The following ACYP1 variants were observed in gnomAD, a reference collection of about 807,000 sequenced individuals.
The protein encoded by ACYP1 is acylphosphatase-1.
ACYP1 carries 8 observed loss-of-function variants against 10.4 expected under a neutral mutation model. The ratio of observed to expected loss-of-function variants is 0.77; its 90% CI spans 0.45 to 1.38. The LOEUF is 1.38. Ranked by LOEUF, ACYP1 falls within the 40% of genes most tolerant of loss-of-function variation. ACYP1 has a pLI of 0.00. For missense variants in ACYP1, 93 were observed against 117.3 expected (o/e 0.79, Z 0.96); for synonymous variants, 38 against 40.8 (o/e 0.93, Z 0.26).
At chr14:75,061,740 A>G in intron 2 of ACYP1, 1 of 1,590,074 alleles carries the variant, frequency 6.3e-7, no homozygotes, top group Admixed American at 1.7e-5. Flanking sequence ...AGTTTCAGCA[A>G]TTCTGTTTTC....
chr14:75,064,089 C>A (rs936930277), upstream of ACYP1: 2 of 960,018 alleles, frequency 2.1e-6, no homozygotes, highest in Non-Finnish European at 2.5e-6. Flanking sequence ...CCCATCACCT[C>A]CAGCTGACCA....
At chr14:75,055,079 CTTTTTT>C (rs33920224) in intron 2 of ACYP1, among the ~76,000 whole-genome samples, 6 of 75,104 alleles carry the variant, frequency 8.0e-5, no homozygotes, top group Non-Finnish European at 7.0e-5. Context: ...TATCTGAACT[CTTTTTT>C]TTTTTTTTTT....
intron 1 of ACYP1, 29 bp from the exon 2 acceptor site, chr14:75,063,590 G>A (rs940820375): frequency 5.7e-6 from 9 of 1,583,366 alleles, no homozygotes; most frequent in Middle Eastern, 3.3e-4. Context: ...GCAGAAGAGT[G>A]AAGGGCTATT....
intron 2 of ACYP1, chr14:75,060,303 AC>A (rs1348040002): frequency 3.0e-6 from 2 of 668,616 alleles, no homozygotes; most frequent in Non-Finnish European, 5.4e-6. Flanking sequence ...ATTACCTCAT[AC>A]CCACTAGGAT....
chr14:75,058,361 A>G (rs763140936), intron 2 of ACYP1, among the ~76,000 whole-genome samples: 5 of 151,308 alleles, frequency 3.3e-5, no homozygotes, highest in Non-Finnish European at 7.4e-5. Flanking sequence ...AGGCAGGAGA[A>G]TTGCTTGAAC....
At position 75,053,611 on chromosome 14, in the gene ACYP1, G is replaced by A. The variant is rs768589082; in HGVS notation, c.133C>T (p.Arg45Trp). Residue 45 changes from arginine (R) to tryptophan (W), a missense_variant, in exon 3 of 3, where the codon CGG becomes TGG. Coordinates refer to ENST00000238618, the MANE Select transcript of ACYP1 (RefSeq NM_001107.5). Reference sequence around the variant, plus strand: ...TGCAATTGTCCTTGCACTGTGCCCCGGTCAGTGTTCTGGACCCAGCCTACC... The same window carrying A: ...TGCAATTGTCCTTGCACTGTGCCCCAGTCAGTGTTCTGGACCCAGCCTACC... ...GLVGWVQNTDRGTVQGQLQGP... is the reference protein window; with the variant it reads ...GLVGWVQNTDWGTVQGQLQGP... 8 of 1,614,092 alleles carry A rather than the reference G, an allele frequency of 5.0e-6. No individual in the cohort carries two copies. The Admixed American group carries it at 5.0e-5, about 10-fold the overall frequency.
chr14:75,068,488 GA>G (rs1893200808), upstream of ACYP1, among the ~76,000 whole-genome samples: 1 of 151,994 alleles, frequency 6.6e-6, no homozygotes, highest in African/African-American at 2.4e-5. Context: ...GAAGGAGAGA[GA>G]GAGAGGAGAG....
chr14:75,066,335 T>C (rs1222519442), upstream of ACYP1, among the ~76,000 whole-genome samples: 1 of 152,132 alleles, frequency 6.6e-6, no homozygotes, highest in Non-Finnish European at 1.5e-5. Flanking sequence ...CTTTGTACAC[T>C]GCAAATATAG....
In ACYP1 at chr14:75,053,548, G is replaced by A. The variant is rs756311757; in HGVS notation, c.196C>T (p.Leu66Phe). The change falls in exon 3 of 3, where the codon CTT becomes TTT. Residue 66 changes from leucine (L) to phenylalanine (F), a missense_variant. Physicochemically the swap from Leu to Phe is conservative, Grantham distance 22. Transcript: ENST00000238618. ...GATTTAGGACTTCCTCTTGTTTCAA[G>A]CCATTCCTGCATATGACGCACCTTG... ...ISKVRHMQEW[L>F]ETRGSPKSHI... 3.3e-5 allele frequency: 54 copies of A among 1,614,146 alleles called. No individual in the cohort carries two copies. The East Asian group carries it at 1.2e-3, about 36-fold the overall frequency.
At chr14:75,060,316 G>T (rs1399204637) in intron 2 of ACYP1, 6 of 642,590 alleles carry the variant, frequency 9.3e-6, no homozygotes, top group Middle Eastern at 3.8e-4. Context: ...CACTAGGATG[G>T]CTAACATAAA....
At chr14:75,063,175 C>G in intron 2 of ACYP1, 1 of 375,830 alleles carries the variant, frequency 2.7e-6, no homozygotes, top group South Asian at 3.2e-5. Context: ...TTTGATGATG[C>G]CACAACGGCG....
upstream of ACYP1, among the ~76,000 whole-genome samples, chr14:75,068,489 A>G (rs912285902): frequency 1.3e-5 from 2 of 151,972 alleles, no homozygotes; most frequent in African/African-American, 4.8e-5. Context: ...AAGGAGAGAG[A>G]GAGAGGAGAG....
chr14:75,057,483 C>T (rs571032174), intron 2 of ACYP1, among the ~76,000 whole-genome samples: 3 of 151,428 alleles, frequency 2.0e-5, no homozygotes, highest in South Asian at 4.2e-4. Flanking sequence ...TTGCAGAAAT[C>T]GAAAAATTGA....
chr14:75,068,287 T>G (rs914801542), upstream of ACYP1, among the ~76,000 whole-genome samples: 1 of 151,962 alleles, frequency 6.6e-6, no homozygotes, highest in Non-Finnish European at 1.5e-5. Context: ...CAGGGCGAGA[T>G]TCCGTCTCAA....
chr14:75,053,680 G>A, intron 2 of ACYP1, 21 bp from the exon 3 acceptor site: 1 of 1,605,834 alleles, frequency 6.2e-7, no homozygotes, highest in Non-Finnish European at 8.5e-7. Context: ...TAAAAAGAGA[G>A]AGAGATCCAG....
chr14:75,060,732 A>G (rs536875006), intron 2 of ACYP1, among the ~76,000 whole-genome samples: 8 of 152,234 alleles, frequency 5.3e-5, no homozygotes, highest in Non-Finnish European at 7.3e-5. Flanking sequence ...GGAGCCAGTC[A>G]CAAAAAAAGG....
intron 2 of ACYP1, among the ~76,000 whole-genome samples, chr14:75,057,447 C>A (rs1892903445): frequency 1.3e-5 from 2 of 151,508 alleles, no homozygotes; most frequent in South Asian, 4.2e-4. Context: ...AGATTCAACT[C>A]AATCTCTATC....
intron 2 of ACYP1, among the ~76,000 whole-genome samples, chr14:75,054,325 A>G (rs1302332695): frequency 6.8e-6 from 1 of 146,386 alleles, no homozygotes; most frequent in Non-Finnish European, 1.5e-5. Flanking sequence ...CATAACTATC[A>G]GGTTTTCACT....
rs1555347744 is a variant in ACYP1, at chr14:75,057,987, AAG to A, written c.85-4330_85-4329del. On this transcript the variant is annotated intron_variant, in intron 2 of 2. Transcript: ENST00000238618. Reference sequence around the variant, plus strand: ...CTCAAAAAAAAAAAAAAAAAAAAAAAAGAACTACCTGCTGAGGCTGGGTAATT... The same window carrying A: ...CTCAAAAAAAAAAAAAAAAAAAAAAAAACTACCTGCTGAGGCTGGGTAATT... Among the ~76,000 whole-genome samples the A allele has an allele frequency of 6.8e-5, 10 of 147,670 alleles. 1 individual carries two copies. Among genetic ancestry groups the A allele is most frequent in the South Asian group, 6.5e-4 (3 of 4,618 alleles).
Sources: allele counts gnomAD v4.1 joint callset (sites outside exome capture counted in the v4.1 genomes callset), GRCh38; gene constraint gnomAD v4.1.1; transcripts MANE v1.5; gene names NCBI Gene and HGNC (gene_info 2026-07-23, HGNC 2026-07-21).